FBXO10: variants seen among roughly 807,000 people sequenced by gnomAD.
FBXO10 encodes the protein F-box only protein 10.
In FBXO10, 39 loss-of-function variants were observed where a neutral mutation model predicts 80.7. The observed-to-expected ratio is 0.48, with a 90% CI of 0.37 to 0.63. The LOEUF (loss-of-function observed/expected upper bound fraction) is 0.63. FBXO10 is among the 30% of genes least tolerant of loss of function. The pLI, the probability that FBXO10 is intolerant of heterozygous loss-of-function variation, is 0.00. For synonymous variants in FBXO10, 449 were observed against 489.6 expected (o/e 0.92, Z 1.09); for missense variants, 1,025 against 1,269.0 (o/e 0.81, Z 2.92).
chr9:37,557,266 G>C (rs1237676319), intron 1 of FBXO10, among the ~76,000 whole-genome samples: 1 of 151,598 alleles, frequency 6.6e-6, no homozygotes, highest in Non-Finnish European at 1.5e-5. Flanking sequence ...CTTTTATATT[G>C]AACTCTCACG....
intron 1 of FBXO10, among the ~76,000 whole-genome samples, chr9:37,550,384 C>T (rs955797804): frequency 3.3e-5 from 5 of 151,238 alleles, no homozygotes; most frequent in Non-Finnish European, 4.4e-5. Context: ...GGGGTTTCAT[C>T]GTGTTGGCCA....
At chr9:37,566,035 AAC>A (rs912368291) in intron 1 of FBXO10, among the ~76,000 whole-genome samples, 1 of 152,152 alleles carries the variant, frequency 6.6e-6, no homozygotes, top group African/African-American at 2.4e-5. Flanking sequence ...GCCAAAGGTA[AAC>A]AGTTTCTAGT....
chr9:37,530,934 C>T (rs1821605267), intron 4 of FBXO10, among the ~76,000 whole-genome samples: 1 of 152,188 alleles, frequency 6.6e-6, no homozygotes, highest in Non-Finnish European at 1.5e-5. Flanking sequence ...AGCCACTGTG[C>T]CCAGCCTTCT....
At chr9:37,573,555 G>C (rs892766471) in intron 1 of FBXO10, among the ~76,000 whole-genome samples, 1 of 152,200 alleles carries the variant, frequency 6.6e-6, no homozygotes, top group Non-Finnish European at 1.5e-5. Flanking sequence ...GACAATGTGT[G>C]TGGACTGCTC....
intron 3 of FBXO10, among the ~76,000 whole-genome samples, chr9:37,536,478 T>A (rs1821768600): frequency 6.6e-6 from 1 of 152,176 alleles, no homozygotes; most frequent in African/African-American, 2.4e-5. Flanking sequence ...CTAGAAGGAC[T>A]GTTCTTAGCA....
Position 37,525,290 on chromosome 9 carries a change from C to T in FBXO10, c.1707-118G>A, listed in dbSNP as rs189585467. 87 of 990,050 alleles carry T rather than the reference C, an allele frequency of 8.8e-5. No individual in the cohort carries two copies. In the African/African-American group the frequency reaches 1.0e-3, roughly 12 times the overall value. 61.3% of individuals were successfully genotyped at this position (990,050 alleles called of 1,614,324 possible). A position where few individuals can be genotyped will look rare whatever the true frequency, so the allele number is the denominator to read the frequency against. ...CTACAAAAAATACAAAAAAATTAGC[C>T]GGGTGTGGTGGTGTGCACCTGTAGT... is the stretch of plus-strand genomic sequence containing the variant. On this transcript the variant is annotated intron_variant, in intron 5 of 10. Coordinates refer to ENST00000432825, the MANE Select transcript of FBXO10 (RefSeq NM_012166.3).
Position 37,535,385 on chromosome 9 carries a change from G to A in FBXO10, c.1419+1725C>T, listed in dbSNP as rs1450384795. Among the ~76,000 whole-genome samples, 4 of 150,720 alleles carry A rather than the reference G, an allele frequency of 2.7e-5. No individual in the cohort carries two copies. The East Asian group carries it at 7.8e-4, about 29-fold the overall frequency. ...TTTTTTGGAGACGGAGTCTTGCTCT[G>A]TCACCCAGGCTGGAATGCAGTGGCG... On this transcript the variant is annotated intron_variant, in intron 3 of 10. Coordinates refer to ENST00000432825, the MANE Select transcript of FBXO10 (RefSeq NM_012166.3).
chr9:37,524,982 A>G, intron 6 of FBXO10, 120 bp downstream of exon 6: 1 of 826,328 alleles, frequency 1.2e-6, no homozygotes, highest in Non-Finnish European at 1.9e-6. Flanking sequence ...CCAGCCCACC[A>G]GTCAGAGAAA....
chr9:37,546,240 G>A (rs1487922245), intron 1 of FBXO10, among the ~76,000 whole-genome samples: 1 of 151,960 alleles, frequency 6.6e-6, no homozygotes, highest in East Asian at 1.9e-4. Flanking sequence ...TCTTACTATG[G>A]TGTAAGAAGA....
chr9:37,559,607 A>AAGATTG (rs1453482115), intron 1 of FBXO10, among the ~76,000 whole-genome samples: 1 of 152,248 alleles, frequency 6.6e-6, no homozygotes, highest in Non-Finnish European at 1.5e-5. Flanking sequence ...GGCACATGAC[A>AAGATTG]AGATTGTACA....
At chr9:37,546,267 T>C (rs932280735) in intron 1 of FBXO10, among the ~76,000 whole-genome samples, 2 of 151,114 alleles carry the variant, frequency 1.3e-5, no homozygotes, top group African/African-American at 4.9e-5. Flanking sequence ...CCAAGCAGAG[T>C]GGCAGTCCCA....
chr9:37,572,619 G>A (rs1315580103), intron 1 of FBXO10, among the ~76,000 whole-genome samples: 1 of 152,078 alleles, frequency 6.6e-6, no homozygotes, highest in Non-Finnish European at 1.5e-5. Flanking sequence ...TATTGTTTAG[G>A]GATATATACA....
chr9:37,531,428 G>A (rs939270380), intron 4 of FBXO10, among the ~76,000 whole-genome samples: 2 of 152,120 alleles, frequency 1.3e-5, no homozygotes, highest in African/African-American at 4.8e-5. Flanking sequence ...GATTTTAAGT[G>A]GTTTTCACAC....
chr9:37,538,070 G>T (rs1188070027), intron 2 of FBXO10, 127 bp from the exon 3 acceptor site: 6 of 724,486 alleles, frequency 8.3e-6, no homozygotes, highest in South Asian at 5.4e-5. Flanking sequence ...CCTCCCCACT[G>T]GGGTCTGGAT....
chr9:37,543,118 T>A (rs557750068), intron 1 of FBXO10, among the ~76,000 whole-genome samples: 2 of 152,340 alleles, frequency 1.3e-5, no homozygotes, highest in Admixed American at 1.3e-4. Flanking sequence ...TGGGTTTTGG[T>A]CCTGGCTCTG....
At chr9:37,518,691 G>A (rs1477143714) in intron 8 of FBXO10, among the ~76,000 whole-genome samples, 1 of 152,174 alleles carries the variant, frequency 6.6e-6, no homozygotes, top group African/African-American at 2.4e-5. Context: ...GAAACACCAT[G>A]TGAGAAGGCT....
At chr9:37,542,432 T>C (rs1017499851) in intron 1 of FBXO10, among the ~76,000 whole-genome samples, 2 of 151,682 alleles carry the variant, frequency 1.3e-5, no homozygotes, top group African/African-American at 2.4e-5. Context: ...CCTGTCTCTA[T>C]GAAAAATACA....
chr9:37,515,636 T>C (rs192991480), intron 10 of FBXO10: 24 of 349,164 alleles, frequency 6.9e-5, no homozygotes, highest in African/African-American at 1.5e-4. Flanking sequence ...AGATGTGAAG[T>C]AAGTTGCCCA....
Position 37,512,430 on chromosome 9 carries a change from GC to G in FBXO10, c.*116del. 1 of 1,123,446 alleles carries G rather than the reference GC, an allele frequency of 8.9e-7. No individual in the cohort carries two copies. Among genetic ancestry groups the G allele is most frequent in the South Asian group, 1.5e-5 (1 of 65,926 alleles). The allele number at this position is 1,123,446 out of a possible 1,614,324, so 69.6% of individuals were successfully genotyped here. A position where few individuals can be genotyped will look rare whatever the true frequency, so the allele number is the denominator to read the frequency against. On this transcript the variant is annotated 3_prime_UTR_variant, in exon 11 of 11. Coordinates refer to ENST00000432825, the MANE Select transcript of FBXO10 (RefSeq NM_012166.3). ...GTTCTGGAGGTACCGTGTTTTGGAGGCCCGGGACCCATTTGTTCGAGGGGGA... is the reference window on the plus strand; with the variant it reads ...GTTCTGGAGGTACCGTGTTTTGGAGGCCGGGACCCATTTGTTCGAGGGGGA...
Sources: allele counts gnomAD v4.1 joint callset (sites outside exome capture counted in the v4.1 genomes callset), GRCh38; gene constraint gnomAD v4.1.1; transcripts MANE v1.5; gene names NCBI Gene and HGNC (gene_info 2026-07-23, HGNC 2026-07-21).